The following ADCY5 variants were observed in gnomAD, a reference collection of about 807,000 sequenced individuals.
The protein encoded by ADCY5 is adenylate cyclase type 5.
Under a neutral mutation model 119.7 loss-of-function variants are expected in ADCY5, and 30 were observed. That is an observed-to-expected ratio of 0.25 (90% confidence interval 0.19 to 0.34). The LOEUF is 0.34. Ranked by LOEUF, ADCY5 falls within the 10% of genes least tolerant of loss-of-function variation. The pLI is 1.00. For missense variants in ADCY5, 1,324 were observed against 1,775.2 expected (o/e 0.75, Z 4.57); for synonymous variants, 753 against 762.2 (o/e 0.99, Z 0.20).
intron 9 of ADCY5, among the ~76,000 whole-genome samples, chr3:123,320,415 G>A (rs761253792): frequency 2.0e-5 from 3 of 152,218 alleles, no homozygotes; most frequent in South Asian, 2.1e-4. Flanking sequence ...GCATTGCCTC[G>A]GGGCACTGGA....
chr3:123,289,514 C>T (rs1282403622), intron 19 of ADCY5, among the ~76,000 whole-genome samples: 1 of 152,254 alleles, frequency 6.6e-6, no homozygotes, highest in Non-Finnish European at 1.5e-5. Context: ...ACCCATGTGG[C>T]CCTCATGTCA....
intron 1 of ADCY5, among the ~76,000 whole-genome samples, chr3:123,358,670 G>A (rs1053628447): frequency 1.3e-5 from 2 of 152,164 alleles, no homozygotes; most frequent in Non-Finnish European, 2.9e-5. Flanking sequence ...CAAGGTCCAG[G>A]GGGTCCCAGG....
intron 1 of ADCY5, among the ~76,000 whole-genome samples, chr3:123,416,741 G>A (rs957740996): frequency 2.0e-5 from 3 of 152,114 alleles, no homozygotes; most frequent in East Asian, 1.9e-4. Context: ...GCCCCATTAC[G>A]GACCCCAGGA....
intron 3 of ADCY5, among the ~76,000 whole-genome samples, chr3:123,347,405 C>A (rs1363869324): frequency 6.6e-6 from 1 of 152,120 alleles, no homozygotes; most frequent in African/African-American, 2.4e-5. Context: ...ATGGAAGCTG[C>A]CAGATGGTGG....
intron 1 of ADCY5, among the ~76,000 whole-genome samples, chr3:123,362,775 G>A (rs1297825362): frequency 6.6e-6 from 1 of 152,086 alleles, no homozygotes; most frequent in Admixed American, 6.6e-5. Context: ...CATTCAGTTC[G>A]CAAAGAATAT....
At chr3:123,403,798 G>A (rs955447316) in intron 1 of ADCY5, among the ~76,000 whole-genome samples, 2 of 152,136 alleles carry the variant, frequency 1.3e-5, no homozygotes, top group Admixed American at 6.5e-5. Context: ...CATGGACCCC[G>A]GGTCCCTCCT....
chr3:123,295,112 C>A (rs534128859), intron 17 of ADCY5, among the ~76,000 whole-genome samples: 1 of 152,302 alleles, frequency 6.6e-6, no homozygotes, highest in East Asian at 1.9e-4. Context: ...CCAGCCAGAA[C>A]CCATGCAAAA....
chr3:123,307,413 G>C (rs1002716180), intron 12 of ADCY5, among the ~76,000 whole-genome samples: 2 of 152,180 alleles, frequency 1.3e-5, no homozygotes, highest in African/African-American at 4.8e-5. Flanking sequence ...TGATGCATTT[G>C]AAAGTGCTCT....
At chr3:123,309,868 G>A (rs1217054704) in intron 12 of ADCY5, among the ~76,000 whole-genome samples, 3 of 152,246 alleles carry the variant, frequency 2.0e-5, no homozygotes, top group East Asian at 1.9e-4. Context: ...TTTAGAAACT[G>A]TGGACCAGCA....
At chr3:123,415,260 G>T (rs1399569614) in intron 1 of ADCY5, among the ~76,000 whole-genome samples, 1 of 152,180 alleles carries the variant, frequency 6.6e-6, no homozygotes, top group African/African-American at 2.4e-5. Context: ...GGCTCAGCTG[G>T]GGACCAGGGG....
At chr3:123,308,072 C>T (rs1345361267) in intron 12 of ADCY5, among the ~76,000 whole-genome samples, 10 of 124,918 alleles carry the variant, frequency 8.0e-5, no homozygotes, top group South Asian at 2.6e-4. Context: ...CTCGCTCTGT[C>T]GCCCAGGCTG....
At chr3:123,397,226 G>C (rs1173002423) in intron 1 of ADCY5, among the ~76,000 whole-genome samples, 4 of 152,152 alleles carry the variant, frequency 2.6e-5, no homozygotes, top group Non-Finnish European at 5.9e-5. Context: ...AGCAGAGGGG[G>C]AGGCATAGAA....
chr3:123,336,589 AAC>A (rs1296903355), intron 3 of ADCY5, among the ~76,000 whole-genome samples: 3 of 152,210 alleles, frequency 2.0e-5, no homozygotes, highest in African/African-American at 7.2e-5. Context: ...CGAGCAGAGT[AAC>A]ACACAGCACC....
chr3:123,386,939 A>G (rs1944246363), intron 1 of ADCY5, among the ~76,000 whole-genome samples: 1 of 152,186 alleles, frequency 6.6e-6, no homozygotes, highest in Non-Finnish European at 1.5e-5. Flanking sequence ...CGACAGCCAG[A>G]GCCATGACCC....
intron 1 of ADCY5, among the ~76,000 whole-genome samples, chr3:123,383,172 C>T (rs115346896): frequency 0.013 from 2,034 of 152,130 alleles, 57 homozygotes; most frequent in African/African-American, 0.046. Context: ...GGGACACACA[C>T]GTAAACAGGA....
chr3:123,297,255 T>G (rs1939574328), intron 16 of ADCY5, 98 bp downstream of exon 16: 1 of 1,520,788 alleles, frequency 6.6e-7, no homozygotes. Flanking sequence ...ACTACCCACC[T>G]TGCCACCAAG....
At chr3:123,307,259 T>C (rs959355294) in intron 12 of ADCY5, among the ~76,000 whole-genome samples, 17 of 152,184 alleles carry the variant, frequency 1.1e-4, no homozygotes, top group Non-Finnish European at 2.1e-4. Context: ...TATGTCGCAA[T>C]GAAGCTCTTA....
intron 1 of ADCY5, among the ~76,000 whole-genome samples, chr3:123,391,208 A>G (rs1332108325): frequency 1.3e-5 from 2 of 152,156 alleles, no homozygotes; most frequent in Non-Finnish European, 2.9e-5. Context: ...AAAGGAAGCA[A>G]AAGTGTGTGG....
chr3:123,297,178 TG>T, intron 16 of ADCY5, 174 bp downstream of exon 16: 1 of 1,350,200 alleles, frequency 7.4e-7, no homozygotes, highest in South Asian at 1.2e-5. Context: ...CCAGGGCCTC[TG>T]CCCCCCGAGG....
Sources: allele counts gnomAD v4.1 joint callset (sites outside exome capture counted in the v4.1 genomes callset), GRCh38; gene constraint gnomAD v4.1.1; transcripts MANE v1.5; gene names NCBI Gene and HGNC (gene_info 2026-07-23, HGNC 2026-07-21).